Variants in DNAH11 observed in about 807,000 individuals in gnomAD.
DNAH11 encodes axonemal beta dynein heavy chain 11.
In DNAH11, 442 loss-of-function variants were observed where a neutral mutation model predicts 526.0. The observed-to-expected ratio is 0.84, with a 90% CI of 0.78 to 0.91. DNAH11 has a LOEUF of 0.91. DNAH11 is among the 40% of genes least tolerant of loss of function. DNAH11 has a pLI of 0.00. For synonymous variants in DNAH11, 2,461 were observed against 1,935.9 expected (o/e 1.27, Z -7.12); for missense variants, 6,989 against 5,448.7 (o/e 1.28, Z -8.90).
intron 65 of DNAH11, among the ~76,000 whole-genome samples, chr7:21,828,239 G>A (rs943209703): frequency 6.6e-5 from 10 of 152,126 alleles, no homozygotes; most frequent in African/African-American, 2.2e-4. Flanking sequence ...ATGAGCCACC[G>A]CGCCTGGCCT....
At chr7:21,866,425 A>AG in intron 70 of DNAH11, 45 bp from the exon 71 acceptor site, 1 of 1,537,626 alleles carries the variant, frequency 6.5e-7, no homozygotes, top group Non-Finnish European at 8.8e-7. Flanking sequence ...CAAACTGTAA[A>AG]GTATCGTTCA....
intron 25 of DNAH11, among the ~76,000 whole-genome samples, chr7:21,621,644 C>G (rs1487047442): frequency 1.3e-5 from 2 of 151,836 alleles, no homozygotes; most frequent in Non-Finnish European, 1.5e-5. Flanking sequence ...GGGCTTCATC[C>G]CTGGGATGCA....
intron 54 of DNAH11, among the ~76,000 whole-genome samples, chr7:21,750,680 C>T (rs1258138524): frequency 6.6e-6 from 1 of 152,160 alleles, no homozygotes; most frequent in Non-Finnish European, 1.5e-5. Flanking sequence ...ATAAACAGTG[C>T]TGTGGGATTG....
At chr7:21,630,766 T>A (rs536821144) in intron 25 of DNAH11, among the ~76,000 whole-genome samples, 25 of 152,328 alleles carry the variant, frequency 1.6e-4, no homozygotes, top group African/African-American at 6.0e-4. Context: ...GTCCTTGACC[T>A]TTGAGAATTT....
At chr7:21,840,963 C>T (rs149986614) in intron 65 of DNAH11, among the ~76,000 whole-genome samples, 1 of 152,230 alleles carries the variant, frequency 6.6e-6, no homozygotes, top group African/African-American at 2.4e-5. Flanking sequence ...GGGTGGATCA[C>T]CTGAGGTCAG....
At chr7:21,839,673 A>G (rs947511714) in intron 65 of DNAH11, among the ~76,000 whole-genome samples, 5 of 152,204 alleles carry the variant, frequency 3.3e-5, no homozygotes, top group Admixed American at 3.3e-4. Context: ...TTGGAAAACA[A>G]TTAAATAGTA....
At chr7:21,850,381 A>G (rs1398503584) in intron 66 of DNAH11, among the ~76,000 whole-genome samples, 3 of 151,324 alleles carry the variant, frequency 2.0e-5, no homozygotes, top group Admixed American at 6.6e-5. Flanking sequence ...AAAAAGAAAA[A>G]GAAAAAAAAT....
intron 45 of DNAH11, among the ~76,000 whole-genome samples, chr7:21,734,397 A>G (rs773123317): frequency 2.0e-5 from 3 of 152,240 alleles, no homozygotes; most frequent in Non-Finnish European, 4.4e-5. Context: ...ACTAGCAGCA[A>G]GAAAGGGAAA....
At chr7:21,702,612 T>A (rs76003470) in intron 36 of DNAH11, 98 bp from the exon 37 acceptor site, 25 of 916,754 alleles carry the variant, frequency 2.7e-5, no homozygotes, top group Non-Finnish European at 4.2e-5. Context: ...TGTGTATTTA[T>A]CTGAACTCCT....
At chr7:21,550,637 G>A (rs1340973646) in intron 2 of DNAH11, among the ~76,000 whole-genome samples, 3 of 152,178 alleles carry the variant, frequency 2.0e-5, no homozygotes. Context: ...GAAGGGGGAT[G>A]CCAAGGGGTG....
chr7:21,700,986 A>G (rs1038998331), intron 36 of DNAH11, among the ~76,000 whole-genome samples: 1 of 152,168 alleles, frequency 6.6e-6, no homozygotes, highest in Non-Finnish European at 1.5e-5. Flanking sequence ...GAGGGATAGC[A>G]TTAGAAGAAA....
chr7:21,886,027 TC>T (rs1178901817), intron 76 of DNAH11, among the ~76,000 whole-genome samples: 1 of 152,184 alleles, frequency 6.6e-6, no homozygotes, highest in African/African-American at 2.4e-5. Flanking sequence ...TCATGGCCAT[TC>T]CTGGTTATTT....
At chr7:21,812,693 G>A (rs1221626750) in intron 63 of DNAH11, among the ~76,000 whole-genome samples, 1 of 151,946 alleles carries the variant, frequency 6.6e-6, no homozygotes. Context: ...GGGAAGGGAG[G>A]AAAATGAACT....
chr7:21,885,289 T>C (rs1206286168), intron 76 of DNAH11, among the ~76,000 whole-genome samples: 1 of 149,654 alleles, frequency 6.7e-6, no homozygotes, highest in African/African-American at 2.4e-5. Flanking sequence ...AATATAGTTA[T>C]GTTTTTTAAA....
chr7:21,784,748 C>T (rs369243505), intron 58 of DNAH11, among the ~76,000 whole-genome samples: 4 of 152,198 alleles, frequency 2.6e-5, no homozygotes, highest in East Asian at 1.9e-4. Flanking sequence ...CCCTGTTCTA[C>T]GGCACCCCAA....
chr7:21,670,767 A>G (rs1040237655), intron 30 of DNAH11, among the ~76,000 whole-genome samples: 2 of 152,144 alleles, frequency 1.3e-5, no homozygotes, highest in Non-Finnish European at 2.9e-5. Flanking sequence ...TCATGAGATG[A>G]CCATGCCATT....
In DNAH11 at chr7:21,866,472, A is replaced by G; in HGVS notation, c.11499A>G (p.Ala3833=). 5.0e-6 allele frequency: 8 copies of G among 1,609,904 alleles called. No homozygotes were observed. Among genetic ancestry groups the G allele is most frequent in the Non-Finnish European group, 5.9e-6 (7 of 1,178,456 alleles). ...LTSQSWSAIK[A]IAVMEEFRGI... ...CTTGTTTCCCTATCATATTACAGGC[A>G]ATTGCCGTCATGGAAGAATTTCGAG... Residue 3833 remains alanine (A), a splice_region_variant and synonymous_variant, in exon 71 of 82, where the codon GCA becomes GCG. Coordinates refer to ENST00000409508, the MANE Select transcript of DNAH11 (RefSeq NM_001277115.2).
chr7:21,618,880 G>A (rs537200312), intron 23 of DNAH11, among the ~76,000 whole-genome samples: 2 of 152,302 alleles, frequency 1.3e-5, no homozygotes, highest in South Asian at 2.1e-4. Context: ...AGTGTAGCAC[G>A]GATGTGACTA....
At chr7:21,612,632 C>T (rs17144781) in intron 20 of DNAH11, among the ~76,000 whole-genome samples, 1 of 149,530 alleles carries the variant, frequency 6.7e-6, no homozygotes, top group Non-Finnish European at 1.5e-5. Context: ...TTTCAAGAAA[C>T]GGATCTCATT....
Sources: gnomAD v4.1 joint callset for allele counts (sites outside exome capture counted in the v4.1 genomes callset) on GRCh38, gnomAD v4.1.1 for gene constraint, MANE v1.5 for transcripts, NCBI Gene and HGNC (gene_info 2026-07-23, HGNC 2026-07-21) for gene names.